BABAM2: variants seen among roughly 807,000 people sequenced by gnomAD.
BABAM2 encodes BRISC and BRCA1-A complex member 2.
Under a neutral mutation model 54.7 loss-of-function variants are expected in BABAM2, and 31 were observed. The observed-to-expected ratio is 0.57, with a 90% CI of 0.43 to 0.77. The LOEUF (loss-of-function observed/expected upper bound fraction) is 0.77, where lower values mean the gene tolerates loss of function less well. BABAM2 is among the 30% of genes least tolerant of loss of function. The pLI is 0.00. For missense variants in BABAM2, 364 were observed against 455.8 expected, an observed-to-expected ratio of 0.80 and a Z score of 1.83; for synonymous variants, 167 against 162.9, an observed-to-expected ratio of 1.03 and a Z score of -0.19.
At chr2:28,215,753 G>C (rs1679864853) in intron 7 of BABAM2, among the ~76,000 whole-genome samples, 1 of 152,126 alleles carries the variant, frequency 6.6e-6, no homozygotes, top group African/African-American at 2.4e-5. Context: ...AGGTGAACCA[G>C]TTTCTGCCCC....
Position 28,014,822 on chromosome 2 carries a change from A to G in BABAM2, c.301-10404A>G, listed in dbSNP as rs1186055265. Among the ~76,000 whole-genome samples the G allele has an allele frequency of 6.6e-5, 10 of 152,198 alleles. No homozygotes were observed. The East Asian group carries it at 1.9e-3, about 29-fold the overall frequency. On this transcript the variant is annotated intron_variant, in intron 4 of 11. Transcript: ENST00000379624. ...TAAACAAAATTCATACAAAAAATAA[A>G]CTATCACTGGTTACATAAAATTTTC...
rs889698710 is a variant in BABAM2, at chr2:28,235,423, C to T, written c.681-1779C>T. Among the ~76,000 whole-genome samples, 3 of 152,120 alleles carry T rather than the reference C, an allele frequency of 2.0e-5. No individual in the cohort carries two copies. The East Asian group carries it at 5.8e-4, about 29-fold the overall frequency. On this transcript the variant is annotated intron_variant, in intron 7 of 11. Coordinates refer to ENST00000379624, the MANE Select transcript of BABAM2 (RefSeq NM_199191.3). ...ATCTCTTGACCTTGTGATCCGCCCCCCTCAGCCTCCCAAAGTGCTGGGATT... is the reference window on the plus strand; with the variant it reads ...ATCTCTTGACCTTGTGATCCGCCCCTCTCAGCCTCCCAAAGTGCTGGGATT...
chr2:28,286,495 C>A (rs1280033554), intron 10 of BABAM2, among the ~76,000 whole-genome samples: 1 of 152,162 alleles, frequency 6.6e-6, no homozygotes, highest in East Asian at 1.9e-4. Context: ...GTCCTCCAGC[C>A]TGTATTCCGT....
intron 2 of BABAM2, among the ~76,000 whole-genome samples, chr2:27,917,594 C>T (rs998271005): frequency 1.3e-5 from 2 of 152,028 alleles, no homozygotes; most frequent in Non-Finnish European, 1.5e-5. Flanking sequence ...ATGAGGCCTC[C>T]GTTTTATGAC....
At chr2:28,064,117 A>G (rs1679126103) in intron 6 of BABAM2, among the ~76,000 whole-genome samples, 1 of 152,350 alleles carries the variant, frequency 6.6e-6, no homozygotes, top group South Asian at 2.1e-4. Flanking sequence ...ATACAGTGGA[A>G]CTGTGAAAAT....
At chr2:28,013,962 A>G (rs1051848537) in intron 4 of BABAM2, among the ~76,000 whole-genome samples, 2 of 151,966 alleles carry the variant, frequency 1.3e-5, no homozygotes, top group African/African-American at 4.8e-5. Flanking sequence ...AATCCCTTTT[A>G]CTCCAAGCAT....
intron 3 of BABAM2, among the ~76,000 whole-genome samples, chr2:27,955,719 A>G (rs966928425): frequency 3.9e-5 from 6 of 152,200 alleles, no homozygotes; most frequent in Non-Finnish European, 8.8e-5. Flanking sequence ...TTCCCTTAAC[A>G]TTGAGATTTT....
chr2:28,065,809 G>A (rs1030891194), intron 6 of BABAM2, among the ~76,000 whole-genome samples: 3 of 151,808 alleles, frequency 2.0e-5, no homozygotes, highest in African/African-American at 7.3e-5. Context: ...CTTCAGAGCC[G>A]TTCTTGGAAA....
At chr2:28,319,463 A>C (rs1475549816) in intron 11 of BABAM2, among the ~76,000 whole-genome samples, 2 of 152,224 alleles carry the variant, frequency 1.3e-5, no homozygotes, top group Non-Finnish European at 2.9e-5. Context: ...TTCCAAATGC[A>C]CAGCTCCCTG....
intron 7 of BABAM2, among the ~76,000 whole-genome samples, chr2:28,204,976 T>TAA (rs879466179): frequency 7.0e-6 from 1 of 142,612 alleles, no homozygotes; most frequent in Admixed American, 7.0e-5. Context: ...TAACTTTGGT[T>TAA]AAAAAAAAAA....
At chr2:28,188,173 A>G (rs927139888) in intron 7 of BABAM2, among the ~76,000 whole-genome samples, 34 of 152,138 alleles carry the variant, frequency 2.2e-4, no homozygotes, top group Admixed American at 1.9e-3. Flanking sequence ...CATTTGCTCT[A>G]GAAGGCTCCC....
intron 7 of BABAM2, among the ~76,000 whole-genome samples, chr2:28,213,188 C>T (rs1216209384): frequency 6.6e-6 from 1 of 151,624 alleles, no homozygotes; most frequent in African/African-American, 2.4e-5. Context: ...GATCATGCTA[C>T]TGGACTCCAC....
At chr2:28,300,913 G>C (rs138025094) in intron 11 of BABAM2, among the ~76,000 whole-genome samples, 4 of 152,110 alleles carry the variant, frequency 2.6e-5, no homozygotes, top group Admixed American at 6.5e-5. Context: ...CCAGCAGCTC[G>C]TGCTAGCAAG....
Position 28,323,792 on chromosome 2 carries a change from G to A in BABAM2, c.1089-14658G>A, listed in dbSNP as rs1690223208. Among the ~76,000 whole-genome samples the A allele has an allele frequency of 3.3e-5, 5 of 152,242 alleles. No individual in the cohort carries two copies. The South Asian group carries it at 1.0e-3, about 32-fold the overall frequency. On this transcript the variant is annotated intron_variant, in intron 11 of 11. Transcript: ENST00000379624. ...GGCTTCCTTTGCTCTTCTGGGGCTC[G>A]TTATTTAGAGAACATTTGTGGTCCC... is the stretch of plus-strand genomic sequence containing the variant.
intron 5 of BABAM2, among the ~76,000 whole-genome samples, chr2:28,030,823 C>T (rs2148580606): frequency 6.6e-6 from 1 of 152,208 alleles, no homozygotes; most frequent in East Asian, 1.9e-4. Flanking sequence ...AATGGGTCTC[C>T]CTTGGCCAAA....
intron 6 of BABAM2, among the ~76,000 whole-genome samples, chr2:28,050,971 G>A (rs1442676150): frequency 6.6e-6 from 1 of 152,172 alleles, no homozygotes; most frequent in African/African-American, 2.4e-5. Flanking sequence ...AGGAAAAAAA[G>A]TTGGAAAGAT....
intron 5 of BABAM2, among the ~76,000 whole-genome samples, chr2:28,036,008 T>A (rs886276762): frequency 2.0e-5 from 3 of 152,192 alleles, no homozygotes; most frequent in East Asian, 1.9e-4. Context: ...TTCCTTTGCC[T>A]ATACTTTTCA....
intron 5 of BABAM2, among the ~76,000 whole-genome samples, chr2:28,032,565 C>T (rs185863447): frequency 3.3e-3 from 496 of 152,168 alleles, no homozygotes; most frequent in Non-Finnish European, 6.2e-3. Context: ...AATTGTTTCT[C>T]CTTATTGCTT....
At chr2:28,269,520 T>C (rs1292366715) in intron 10 of BABAM2, among the ~76,000 whole-genome samples, 1 of 152,210 alleles carries the variant, frequency 6.6e-6, no homozygotes, top group East Asian at 1.9e-4. Context: ...TACAACTCCT[T>C]TGGGAAATAC....
Sources: gnomAD v4.1 joint callset for allele counts (sites outside exome capture counted in the v4.1 genomes callset) on GRCh38, gnomAD v4.1.1 for gene constraint, MANE v1.5 for transcripts, NCBI Gene and HGNC (gene_info 2026-07-23, HGNC 2026-07-21) for gene names.